The following KMT2C variants were observed in gnomAD, a reference collection of about 807,000 sequenced individuals.
KMT2C encodes histone-lysine N-methyltransferase 2C.
Under a neutral mutation model 507.9 loss-of-function variants are expected in KMT2C, and 88 were observed. The ratio of observed to expected loss-of-function variants is 0.17; its 90% CI spans 0.15 to 0.21. The LOEUF (loss-of-function observed/expected upper bound fraction) is 0.21. Ranked by LOEUF, KMT2C falls within the 10% of genes least tolerant of loss-of-function variation. KMT2C has a pLI of 1.00. For missense variants in KMT2C, 4,954 were observed against 5,957.8 expected (o/e 0.83, Z 5.55); for synonymous variants, 2,049 against 2,080.8 (o/e 0.98, Z 0.42).
chr7:152,141,712 C>CAAA lies in KMT2C; in HGVS notation c.14344-1924_14344-1922dup, dbSNP rs1249621681. Among the ~76,000 whole-genome samples, 42 of 61,878 alleles carry CAAA rather than the reference C, an allele frequency of 6.8e-4. 1 individual carries two copies. The highest frequency in any genetic ancestry group is 2.3e-3 in the African/African-American group (40 of 17,234). The allele number at this position is 61,878 out of a possible 152,430, so 40.6% of individuals were successfully genotyped here. Reference sequence around the variant, plus strand: ...TGGGTGACAGAGGAAGACTCTGTCTCAAAAAAAAAAAAAAAAAAAATTCAT... The same window carrying CAAA: ...TGGGTGACAGAGGAAGACTCTGTCTCAAAAAAAAAAAAAAAAAAAAAAATTCAT... On this transcript the variant is annotated intron_variant, in intron 55 of 58. Coordinates refer to ENST00000262189, the MANE Select transcript of KMT2C (RefSeq NM_170606.3).
intron 1 of KMT2C, among the ~76,000 whole-genome samples, chr7:152,378,304 T>C (rs2097344520): frequency 6.6e-6 from 1 of 152,174 alleles, no homozygotes; most frequent in Non-Finnish European, 1.5e-5. Flanking sequence ...AACTTCATTG[T>C]TGTCTTATTG....
At chr7:152,359,501 G>A (rs2097178705) in intron 1 of KMT2C, among the ~76,000 whole-genome samples, 1 of 152,106 alleles carries the variant, frequency 6.6e-6, no homozygotes. Flanking sequence ...TGGGTAAGGT[G>A]GCTCACACCT....
chr7:152,215,864 C>T (rs768045162), intron 23 of KMT2C, among the ~76,000 whole-genome samples: 2 of 151,898 alleles, frequency 1.3e-5, no homozygotes, highest in African/African-American at 2.4e-5. Flanking sequence ...TCACTGTTTA[C>T]CTTTTAATTA....
chr7:152,239,465 A>G (rs1719691913), intron 14 of KMT2C, among the ~76,000 whole-genome samples: 1 of 152,234 alleles, frequency 6.6e-6, no homozygotes, highest in Non-Finnish European at 1.5e-5. Flanking sequence ...AGGGAAATGA[A>G]TACTTTATGG....
Position 152,248,522 on chromosome 7 carries a change from A to C in KMT2C, c.1912T>G (p.Cys638Gly), listed in dbSNP as rs751197859. 6.2e-7 allele frequency: 1 copy of C among 1,614,048 alleles called. No homozygotes were observed. Among genetic ancestry groups the C allele is most frequent in the Non-Finnish European group, 8.5e-7 (1 of 1,179,952 alleles). ...LKMSSEVKHI[C>G]GEDQIEDKME... is the part of the protein sequence containing the mutation. ...TTATCTTCAATTTGATCTTCGCCAC[A>C]AATATGCTTCACTTCAGAAGACATT... Residue 638 changes from cysteine (C) to glycine (G), a missense_variant, in exon 14 of 59, where the codon TGT becomes GGT. By Grantham distance (159) the Cys-to-Gly change is radical. This residue lies in a region of KMT2C where 376 missense variants were observed against 352.4 expected (regional missense o/e 1.07). Transcript: ENST00000262189.
intron 53 of KMT2C, among the ~76,000 whole-genome samples, chr7:152,145,767 A>G (rs1272982803): frequency 6.6e-6 from 1 of 152,178 alleles, no homozygotes; most frequent in African/African-American, 2.4e-5. Flanking sequence ...ACTCCTTTCA[A>G]TTTGACTCTG....
At chr7:152,213,275 AAAAC>A (rs2129141623) in intron 23 of KMT2C, among the ~76,000 whole-genome samples, 1 of 152,318 alleles carries the variant, frequency 6.6e-6, no homozygotes, top group African/African-American at 2.4e-5. Flanking sequence ...TTGAGAAAGA[AAAAC>A]AAAGTAGAAG....
chr7:152,313,926 T>C (rs899492677), intron 4 of KMT2C, among the ~76,000 whole-genome samples: 10 of 152,140 alleles, frequency 6.6e-5, no homozygotes, highest in Non-Finnish European at 1.5e-4. Context: ...GAGGATTTTA[T>C]ATAATTGCCA....
intron 1 of KMT2C, among the ~76,000 whole-genome samples, chr7:152,422,531 G>C (rs577965658): frequency 5.3e-5 from 8 of 151,982 alleles, no homozygotes; most frequent in African/African-American, 1.7e-4. Flanking sequence ...CCAATCAACC[G>C]GGCCTCAACA....
At chr7:152,239,967 A>C (rs1443784619) in intron 14 of KMT2C, among the ~76,000 whole-genome samples, 2 of 152,276 alleles carry the variant, frequency 1.3e-5, no homozygotes, top group African/African-American at 4.8e-5. Flanking sequence ...TAATGGAATA[A>C]CAGTATTTTG....
chr7:152,249,673 C>CCAAAA (rs2095531533), intron 13 of KMT2C, among the ~76,000 whole-genome samples: 1 of 34,496 alleles, frequency 2.9e-5, no homozygotes, highest in African/African-American at 6.7e-5. Context: ...CTCCCCCCTC[C>CCAAAA]AAAAAAAAAA....
rs2129138478 is a variant in KMT2C, at chr7:152,207,308, T to C, written c.3833A>G (p.Tyr1278Cys). Residue 1278 changes from tyrosine to cysteine, a missense_variant, in exon 24 of 59, where the codon TAC becomes TGC. Coordinates refer to ENST00000262189, the MANE Select transcript of KMT2C (RefSeq NM_170606.3). ...TACCTCAGGCACTATACCTGGTCTG[T>C]ATGGTTTCCTTTTTCTCTTTTTGAC... ...DGVKKRKRKP[Y>C]RPGIGGFMVR... is the part of the protein sequence containing the mutation. The C allele has an allele frequency of 6.3e-7, 1 of 1,588,712 alleles. No individual in the cohort carries two copies. The highest frequency in any genetic ancestry group is 8.5e-7 in the Non-Finnish European group (1 of 1,170,042).
chr7:152,271,511 A>G (rs2129176594), intron 7 of KMT2C, among the ~76,000 whole-genome samples: 1 of 152,014 alleles, frequency 6.6e-6, no homozygotes, highest in South Asian at 2.1e-4. Flanking sequence ...GTCTCTACTA[A>G]AAATACAAAA....
chr7:152,259,078 G>A (rs766599171), intron 9 of KMT2C, among the ~76,000 whole-genome samples: 13 of 151,294 alleles, frequency 8.6e-5, no homozygotes, highest in Middle Eastern at 3.2e-3. Flanking sequence ...TAATTATAAG[G>A]GGATATCAAA....
At chr7:152,164,009 C>T (rs183093349) in intron 42 of KMT2C, among the ~76,000 whole-genome samples, 183 bp from the exon 43 acceptor site, 1 of 152,268 alleles carries the variant, frequency 6.6e-6, no homozygotes, top group Non-Finnish European at 1.5e-5. Context: ...TAACTAACAA[C>T]TGTCAATCTC....
chr7:152,220,497 T>C (rs2094732165), intron 23 of KMT2C, 26 bp downstream of exon 23: 1 of 1,514,026 alleles, frequency 6.6e-7, no homozygotes, highest in Non-Finnish European at 9.2e-7. Flanking sequence ...TGCACACATA[T>C]TTCATGGAAA....
At chr7:152,251,094 T>A in intron 11 of KMT2C, 128 bp from the exon 12 acceptor site, 1 of 603,878 alleles carries the variant, frequency 1.7e-6, no homozygotes, top group Non-Finnish European at 2.9e-6. Flanking sequence ...TTTCTTCAGA[T>A]TTTTCTCTGT....
At chr7:152,160,116 T>G (rs1165269079) in intron 43 of KMT2C, among the ~76,000 whole-genome samples, 1 of 152,240 alleles carries the variant, frequency 6.6e-6, no homozygotes. Context: ...ACGGACAAAT[T>G]TGAATTTTGT....
intron 2 of KMT2C, among the ~76,000 whole-genome samples, chr7:152,335,912 T>C (rs1303373727): frequency 6.8e-6 from 1 of 146,502 alleles, no homozygotes; most frequent in Non-Finnish European, 1.5e-5. Context: ...TATAGGGTTT[T>C]TTTGTTTTTT....
Sources: allele counts gnomAD v4.1 joint callset (sites outside exome capture counted in the v4.1 genomes callset), GRCh38; gene constraint gnomAD v4.1.1; regional missense constraint gnomAD v4.1.1; transcripts MANE v1.5; gene names NCBI Gene and HGNC (gene_info 2026-07-23, HGNC 2026-07-21).